The following RMDN2 variants were observed in gnomAD, a reference collection of about 807,000 sequenced individuals.
RMDN2 encodes regulator of microtubule dynamics 2.
In RMDN2, 61 loss-of-function variants were observed where a neutral mutation model predicts 52.8. That is an observed-to-expected ratio of 1.16 (90% CI 0.94 to 1.43). RMDN2 has a LOEUF of 1.43. Ranked by LOEUF, RMDN2 falls within the 40% of genes most tolerant of loss-of-function variation. The pLI is 0.00. For synonymous variants in RMDN2, 180 were observed against 153.1 expected (o/e 1.18, Z -1.30); for missense variants, 592 against 475.3 (o/e 1.25, Z -2.28).
exon 11 of RMDN2, chr2:38,066,995 G>T: frequency 6.2e-7 from 1 of 1,613,828 alleles, no homozygotes; most frequent in Non-Finnish European, 8.5e-7. Flanking sequence ...CTGTAGTCTG[G>T]AAGATAAAGA....
intron 2 of RMDN2, among the ~76,000 whole-genome samples, chr2:37,949,572 C>CT (rs1668533868): frequency 6.6e-6 from 1 of 152,152 alleles, no homozygotes. Context: ...TAAGAGATTA[C>CT]TTTATTAGTT....
At chr2:38,020,853 C>T (rs572317402), downstream of RMDN2, among the ~76,000 whole-genome samples, 93 of 152,276 alleles carry the variant, frequency 6.1e-4, no homozygotes, top group Non-Finnish European at 8.2e-4. Context: ...CCCTGCTCCA[C>T]GGTGCGCAAT....
chr2:37,960,813 TG>T (rs1391152381), intron 2 of RMDN2, among the ~76,000 whole-genome samples: 1 of 152,254 alleles, frequency 6.6e-6, no homozygotes, highest in African/African-American at 2.4e-5. Flanking sequence ...GGTATGTTTT[TG>T]CAGTGGCTGG....
chr2:37,950,518 T>C, intron 2 of RMDN2: 1 of 1,612,960 alleles, frequency 6.2e-7, no homozygotes, highest in Non-Finnish European at 8.5e-7. Context: ...CAGGGCATTT[T>C]ATGGCTTAAG....
chr2:37,938,434 C>T (rs1231299873), intron 2 of RMDN2, among the ~76,000 whole-genome samples: 2 of 152,164 alleles, frequency 1.3e-5, no homozygotes, highest in Admixed American at 6.5e-5. Flanking sequence ...AGGAGTCCCT[C>T]TTTTTCTGTT....
Position 37,959,149 on chromosome 2 carries a change from G to C in RMDN2, c.453-14891G>C, listed in dbSNP as rs762605410. 6.2e-4 allele frequency among the ~76,000 whole-genome samples: 94 copies of C among 151,100 alleles called. 1 individual carries two copies. Among genetic ancestry groups the C allele is most frequent in the Admixed American group, 1.2e-3 (19 of 15,270 alleles). Reference sequence around the variant, plus strand: ...GTTTCTCTGCCAGGTTTTGGTATCAGGATGATGCTGGCCTCATAAAATGAG... The same window carrying C: ...GTTTCTCTGCCAGGTTTTGGTATCACGATGATGCTGGCCTCATAAAATGAG... On this transcript the variant is annotated intron_variant, in intron 2 of 10. Coordinates refer to ENST00000354545, the MANE Select transcript of RMDN2 (RefSeq NM_001170791.3).
intron 2 of RMDN2, among the ~76,000 whole-genome samples, chr2:37,932,723 T>A (rs1257144253): frequency 7.1e-6 from 1 of 141,496 alleles, no homozygotes; most frequent in Non-Finnish European, 1.5e-5. Flanking sequence ...ACGGGGCGGC[T>A]GGCCGGGCAG....
chr2:38,030,034 C>G (rs1233807734), intron 10 of RMDN2: 2 of 152,066 alleles, frequency 1.3e-5, no homozygotes, highest in African/African-American at 4.8e-5. Context: ...GGAAACCTCC[C>G]CCGTGATTCA....
chr2:37,959,745 G>T (rs1489283352), intron 2 of RMDN2, among the ~76,000 whole-genome samples: 1 of 150,838 alleles, frequency 6.6e-6, no homozygotes. Context: ...TGATGTTAGG[G>T]TGTCAATTTT....
chr2:38,045,172 T>C (rs559739398), intron 10 of RMDN2, among the ~76,000 whole-genome samples: 2 of 152,328 alleles, frequency 1.3e-5, no homozygotes, highest in South Asian at 4.1e-4. Flanking sequence ...GTAATTTAAA[T>C]AGTATTTTGG....
At chr2:37,981,577 A>G (rs1271635903) in intron 5 of RMDN2, among the ~76,000 whole-genome samples, 1 of 152,226 alleles carries the variant, frequency 6.6e-6, no homozygotes, top group Non-Finnish European at 1.5e-5. Flanking sequence ...TGAATCTACC[A>G]AGTCTACTGG....
At chr2:37,943,367 A>T (rs1036313907) in intron 2 of RMDN2, among the ~76,000 whole-genome samples, 1 of 152,228 alleles carries the variant, frequency 6.6e-6, no homozygotes. Context: ...GATTTCCAGA[A>T]TAGTGGTAAA....
At chr2:37,960,370 T>C (rs2125010629) in intron 2 of RMDN2, among the ~76,000 whole-genome samples, 1 of 152,330 alleles carries the variant, frequency 6.6e-6, no homozygotes, top group Middle Eastern at 3.4e-3. Context: ...TTAGCTCTTC[T>C]TGTTGCACTA....
At chr2:38,040,023 G>C (rs1412810264) in intron 10 of RMDN2, among the ~76,000 whole-genome samples, 2 of 148,912 alleles carry the variant, frequency 1.3e-5, no homozygotes, top group African/African-American at 2.5e-5. Context: ...TTTTTGAACA[G>C]TATAAGGCCT....
chr2:37,967,792 T>A (rs1187029188), intron 2 of RMDN2, among the ~76,000 whole-genome samples: 1 of 152,178 alleles, frequency 6.6e-6, no homozygotes, highest in East Asian at 1.9e-4. Context: ...TCTTTTCAAC[T>A]TTTGTTTCCT....
At chr2:37,929,033 G>C (rs1310514238) in intron 1 of RMDN2, 1 of 307,016 alleles carries the variant, frequency 3.3e-6, no homozygotes, top group Admixed American at 4.7e-5. Context: ...GGTTATTCTA[G>C]GGTTTACAGC....
In RMDN2 at chr2:37,996,927, C is replaced by G. The variant is rs1292277432; in HGVS notation, c.946-489C>G. On this transcript the variant is annotated intron_variant, in intron 7 of 10. Coordinates refer to ENST00000354545, the MANE Select transcript of RMDN2 (RefSeq NM_001170791.3). ...TCCTTCTGGCTTGAGGATCCCTATT[C>G]TATTTACATATCTGAGATGCTACCT... 1.3e-5 allele frequency among the ~76,000 whole-genome samples: 2 copies of G among 152,070 alleles called. 1 individual carries two copies. The highest frequency in any genetic ancestry group is 4.1e-4 in the South Asian group (2 of 4,828).
At chr2:38,031,865 A>G (rs1409296795) in intron 10 of RMDN2, among the ~76,000 whole-genome samples, 1 of 152,144 alleles carries the variant, frequency 6.6e-6, no homozygotes. Flanking sequence ...GAACACAATA[A>G]TGAGACCCCA....
At chr2:37,992,646 A>T (rs910367064) in intron 7 of RMDN2, among the ~76,000 whole-genome samples, 1 of 152,350 alleles carries the variant, frequency 6.6e-6, no homozygotes, top group East Asian at 1.9e-4. Flanking sequence ...CACTTAAAAT[A>T]AGCTGCTTCT....
Sources: gnomAD v4.1 joint callset for allele counts (sites outside exome capture counted in the v4.1 genomes callset) on GRCh38, gnomAD v4.1.1 for gene constraint, MANE v1.5 for transcripts, NCBI Gene and HGNC (gene_info 2026-07-23, HGNC 2026-07-21) for gene names.